DUSP15: variants seen among roughly 807,000 people sequenced by gnomAD.
DUSP15 encodes the protein dual specificity protein phosphatase 15.
Under a neutral mutation model 26.3 loss-of-function variants are expected in DUSP15, and 23 were observed. The observed-to-expected ratio is 0.87, with a 90% CI of 0.63 to 1.24. The LOEUF is 1.24. Among genes scored for constraint, DUSP15 ranks in the 50% most tolerant of loss-of-function variants. The pLI, the probability that DUSP15 is intolerant of heterozygous loss-of-function variation, is 0.00. For synonymous variants in DUSP15, 143 were observed against 135.5 expected (o/e 1.06, Z -0.39); for missense variants, 364 against 320.6 (o/e 1.14, Z -1.03).
downstream of DUSP15, among the ~76,000 whole-genome samples, chr20:31,846,475 A>AGAGAGAGAGAGAGAGAGAGAGAGG (rs71274237): frequency 2.4e-4 from 19 of 79,674 alleles, no homozygotes; most frequent in East Asian, 2.3e-3. Flanking sequence ...AGAGAGAGAG[A>AGAGAGAGAGAGAGAGAGAGAGAGG]GGAGAGAGAG....
At chr20:31,847,673 G>T (rs1240168798) in exon 10 of DUSP15, 1 of 152,232 alleles carries the variant, frequency 6.6e-6, no homozygotes, top group Non-Finnish European at 1.5e-5. Context: ...CCATGGCAGG[G>T]TAACCAACTT....
downstream of DUSP15, chr20:31,847,593 A>G (rs115950209): frequency 6.6e-6 from 1 of 152,362 alleles, no homozygotes; most frequent in African/African-American, 2.4e-5. Context: ...GAGGATTCCT[A>G]TAAATAAAAT....
chr20:31,846,603 C>A (rs1016881977), downstream of DUSP15, among the ~76,000 whole-genome samples: 1 of 152,116 alleles, frequency 6.6e-6, no homozygotes, highest in African/African-American at 2.4e-5. Context: ...CCTTCTCCTG[C>A]GGTGCAGAGG....
rs776788891 is a variant in DUSP15, at chr20:31,861,483, G to A, written c.628C>T (p.Arg210Trp). The change falls in exon 7 of 7, where the codon CGG (arginine) becomes TGG (tryptophan). Residue 210 changes from arginine to tryptophan, a missense_variant. Arg to Trp is a moderately radical substitution (Grantham distance 101). Coordinates refer to ENST00000339738, the MANE Select transcript of DUSP15 (RefSeq NM_080611.5). The part of the protein sequence containing the change: ...LVPRTPREAH[R>W]PLPLLARVKQ... Reference sequence around the variant, plus strand: ...ACGCGCGCCAGCAGCGGCAGCGGCCGGTGGGCTTCCCGGGGCGTGCGCGGC... The same window carrying A: ...ACGCGCGCCAGCAGCGGCAGCGGCCAGTGGGCTTCCCGGGGCGTGCGCGGC... 8 of 1,540,754 alleles carry A rather than the reference G, an allele frequency of 5.2e-6. No homozygotes were observed. The highest frequency in any genetic ancestry group is 4.8e-5 in the South Asian group (4 of 83,594).
intron 4 of DUSP15, 34 bp downstream of exon 4, chr20:31,864,919 C>T (rs868048561): frequency 1.2e-6 from 2 of 1,607,436 alleles, no homozygotes; most frequent in Non-Finnish European, 1.7e-6. Context: ...AGGCAGCTGT[C>T]TGTCCATCTA....
At chr20:31,868,073 C>A (rs767317461) in intron 2 of DUSP15, among the ~76,000 whole-genome samples, 5 of 152,194 alleles carry the variant, frequency 3.3e-5, no homozygotes, top group Non-Finnish European at 5.9e-5. Flanking sequence ...GGCTGCATAC[C>A]CAGCATATGC....
At chr20:31,864,044 C>T (rs2062717648) in intron 4 of DUSP15, 63 bp from the exon 5 acceptor site, 1 of 1,605,930 alleles carries the variant, frequency 6.2e-7, no homozygotes, top group Admixed American at 1.7e-5. Context: ...GTTGTTCCGC[C>T]CCCACCCCAA....
At chr20:31,870,565 G>T, upstream of DUSP15, 1 of 1,463,192 alleles carries the variant, frequency 6.8e-7, no homozygotes. The surrounding 1 kb of genome is among the most constrained non-coding windows in gnomAD (Gnocchi z 6.6). Context: ...GCCGCCGCAG[G>T]CTCCTCCTAC....
exon 10 of DUSP15, chr20:31,848,027 C>T (rs938602994): frequency 1.1e-5 from 2 of 182,800 alleles, no homozygotes; most frequent in African/African-American, 4.7e-5. Flanking sequence ...ACTAAACAAC[C>T]CTGATGATCT....
chr20:31,846,299 C>G (rs894923371), downstream of DUSP15, among the ~76,000 whole-genome samples: 17 of 146,816 alleles, frequency 1.2e-4, no homozygotes, highest in South Asian at 2.1e-4. Flanking sequence ...CACAGACACA[C>G]ACACACACAC....
chr20:31,869,749 G>C, intron 1 of DUSP15, 152 bp from the exon 2 acceptor site: 1 of 1,488,862 alleles, frequency 6.7e-7, no homozygotes, highest in Non-Finnish European at 9.0e-7. Flanking sequence ...TGGGCCCTGA[G>C]TCCTCTGTGA....
chr20:31,850,904 A>G (rs2062457796), intron 6 of DUSP15, among the ~76,000 whole-genome samples: 1 of 152,128 alleles, frequency 6.6e-6, no homozygotes, highest in Non-Finnish European at 1.5e-5. Flanking sequence ...CATCCTGAGC[A>G]TTGGGAGAAG....
chr20:31,851,121 C>G (rs528299450), intron 6 of DUSP15, among the ~76,000 whole-genome samples: 9 of 152,266 alleles, frequency 5.9e-5, no homozygotes, highest in African/African-American at 2.2e-4. Context: ...AGCTCAAACT[C>G]CCCCGCCCCC....
intron 6 of DUSP15, among the ~76,000 whole-genome samples, chr20:31,851,341 T>C (rs1412647438): frequency 6.7e-6 from 1 of 148,240 alleles, no homozygotes; most frequent in African/African-American, 2.5e-5. Flanking sequence ...GGTGATGGGG[T>C]GGAGATAATA....
Position 31,861,440 on chromosome 20 carries a change from C to A in DUSP15, c.671G>T (p.Cys224Phe). ...CTTGCGGGACAGACACCGGGGGAGG[C>A]AAGAGAAAGTCTGCTTGACGCGCGC... The part of the protein sequence containing the change: ...LLARVKQTFS[C>F]LPRCLSRKGG... Residue 224 changes from cysteine to phenylalanine, a missense_variant, in exon 7 of 7, where the codon TGC (cysteine) becomes TTC (phenylalanine). Physicochemically the swap from Cys to Phe is radical, Grantham distance 205. Transcript: ENST00000339738. The A allele has an allele frequency of 6.4e-7, 1 of 1,559,160 alleles. No homozygotes were observed. Among genetic ancestry groups the A allele is most frequent in the Non-Finnish European group, 8.6e-7 (1 of 1,162,816 alleles).
upstream of DUSP15, chr20:31,870,643 G>T: frequency 3.9e-6 from 5 of 1,294,072 alleles, no homozygotes; most frequent in Non-Finnish European, 4.9e-6. This position sits in a 1 kb window ranked among gnomAD's most constrained non-coding sequence, Gnocchi z 6.6. Context: ...CAGTGTGCCG[G>T]GCCCACGGCC....
At chr20:31,864,145 G>GGTGTGTTTGT (rs1201256542) in intron 4 of DUSP15, 164 bp from the exon 5 acceptor site, 1 of 1,421,270 alleles carries the variant, frequency 7.0e-7, no homozygotes, top group East Asian at 2.6e-5. Context: ...ATGAGCTGGA[G>GGTGTGTTTGT]GTGTGTTTGT....
chr20:31,866,016 T>C (rs561671762), intron 3 of DUSP15, among the ~76,000 whole-genome samples: 1 of 152,282 alleles, frequency 6.6e-6, no homozygotes, highest in South Asian at 2.1e-4. Flanking sequence ...TGAGGCAAAA[T>C]AAGACTGCAA....
At position 31,862,637 on chromosome 20, in the gene DUSP15, G is replaced by A. The variant is rs1344524188; in HGVS notation, c.369C>T (p.Pro123=). 6.2e-7 allele frequency: 1 copy of A among 1,614,118 alleles called. No individual in the cohort carries two copies. The highest frequency in any genetic ancestry group is 1.7e-5 in the Admixed American group (1 of 60,014). Reference sequence around the variant, plus strand: ...TAAAGCCTGGGTTGGGGTTGGCGATGGGCCTGGTGGCCTTGATGGCTTCAA... The same window carrying A: ...TAAAGCCTGGGTTGGGGTTGGCGATAGGCCTGGTGGCCTTGATGGCTTCAA... ...DVLEAIKATR[P]IANPNPGFRQ... Residue 123 remains proline (P), a synonymous_variant, in exon 6 of 7, where the codon CCC becomes CCT. Coordinates refer to ENST00000339738, the MANE Select transcript of DUSP15 (RefSeq NM_080611.5).
Sources: gnomAD v4.1 joint callset for allele counts (sites outside exome capture counted in the v4.1 genomes callset) on GRCh38, gnomAD v4.1.1 for gene constraint, Gnocchi (gnomAD v3.1) non-coding constraint, MANE v1.5 for transcripts, NCBI Gene and HGNC (gene_info 2026-07-23, HGNC 2026-07-21) for gene names.